MEF2C: variants seen among roughly 807,000 people sequenced by gnomAD.
MEF2C encodes the protein myocyte enhancer factor 2C, also known as myocyte-specific enhancer factor 2C.
In MEF2C, 6 loss-of-function variants were observed where a neutral mutation model predicts 50.5. That is an observed-to-expected ratio of 0.12 (90% CI 0.07 to 0.23). The LOEUF is 0.23. MEF2C is among the 10% of genes least tolerant of loss of function. MEF2C has a pLI of 1.00. For synonymous variants in MEF2C, 183 were observed against 228.0 expected (o/e 0.80, Z 1.78); for missense variants, 276 against 605.0 (o/e 0.46, Z 5.70).
chr5:88,776,585 A>G (rs1051897930), intron 3 of MEF2C, among the ~76,000 whole-genome samples: 4 of 152,188 alleles, frequency 2.6e-5, no homozygotes, highest in Non-Finnish European at 4.4e-5. Flanking sequence ...TAAGAATACC[A>G]AGAATGAGAG....
chr5:88,899,617 C>T (rs1377012120), intron 1 of MEF2C, among the ~76,000 whole-genome samples: 1 of 152,068 alleles, frequency 6.6e-6, no homozygotes, highest in Non-Finnish European at 1.5e-5. Context: ...GAGGAAGCCT[C>T]TATGATCCTT....
At chr5:88,826,064 G>C (rs543781930) in intron 1 of MEF2C, among the ~76,000 whole-genome samples, 5 of 152,036 alleles carry the variant, frequency 3.3e-5, no homozygotes, top group Admixed American at 3.3e-4. Context: ...GAAAGACAGA[G>C]AGAGTTCCTG....
rs74982864 is a variant in MEF2C, at chr5:88,788,165, AGTTT to A, written c.258+16429_258+16432del. 7.0e-3 allele frequency among the ~76,000 whole-genome samples: 1,002 copies of A among 142,986 alleles called. 8 individuals carry two copies. Among genetic ancestry groups the A allele is most frequent in the African/African-American group, 0.025 (943 of 38,488 alleles). The allele number at this position is 142,986 out of a possible 152,430, so 93.8% of individuals were successfully genotyped here. Reference sequence around the variant, plus strand: ...GGCTGTATCTATTAACCATCATGCCAGTTTGTTTGTTTGTTTATTTATTTATTTA... The same window carrying A: ...GGCTGTATCTATTAACCATCATGCCAGTTTGTTTGTTTATTTATTTATTTA... On this transcript the variant is annotated intron_variant, in intron 3 of 10. Coordinates refer to ENST00000504921, the MANE Select transcript of MEF2C (RefSeq NM_002397.5).
At chr5:88,734,124 G>C (rs1762843432) in intron 6 of MEF2C, 2 of 984,088 alleles carry the variant, frequency 2.0e-6, no homozygotes, top group Non-Finnish European at 2.4e-6. Context: ...ATGTCATCCT[G>C]AATCATTATT....
At chr5:88,834,225 A>G (rs1814157603) in intron 1 of MEF2C, among the ~76,000 whole-genome samples, 1 of 152,158 alleles carries the variant, frequency 6.6e-6, no homozygotes, top group African/African-American at 2.4e-5. Context: ...AACAGAATGC[A>G]GTCCACGCTA....
intron 1 of MEF2C, among the ~76,000 whole-genome samples, chr5:88,892,736 C>CA (rs1234113491): frequency 6.6e-6 from 1 of 152,180 alleles, no homozygotes; most frequent in Non-Finnish European, 1.5e-5. Flanking sequence ...ACTGAAAACT[C>CA]AGAGTCTATC....
intron 3 of MEF2C, among the ~76,000 whole-genome samples, chr5:88,804,354 C>T (rs1408535779): frequency 1.3e-5 from 2 of 152,202 alleles, no homozygotes; most frequent in Non-Finnish European, 2.9e-5. Flanking sequence ...AATAGTTTGA[C>T]ACTGGTACTT....
intron 1 of MEF2C, among the ~76,000 whole-genome samples, chr5:88,873,988 G>T (rs923946085): frequency 2.0e-5 from 3 of 151,592 alleles, no homozygotes; most frequent in Admixed American, 1.3e-4. Context: ...GTAATAGAAG[G>T]GTGAAAAGAT....
chr5:88,736,499 T>TAA (rs1764142732), intron 6 of MEF2C: 1 of 6,590 alleles, frequency 1.5e-4, no homozygotes, highest in African/African-American at 4.7e-4. Flanking sequence ...AGACTCCGTC[T>TAA]CAAAAAAAAA....
chr5:88,788,841 A>G (rs1242269849), intron 3 of MEF2C, among the ~76,000 whole-genome samples: 7 of 152,190 alleles, frequency 4.6e-5, no homozygotes, highest in Non-Finnish European at 4.4e-5. Flanking sequence ...TAAATATACC[A>G]TTTATTTACA....
chr5:88,836,737 A>C (rs528587733), intron 1 of MEF2C, among the ~76,000 whole-genome samples: 1 of 152,298 alleles, frequency 6.6e-6, no homozygotes, highest in South Asian at 2.1e-4. Flanking sequence ...AGGATAGCCC[A>C]AGTCATCCTC....
At position 88,723,016 on chromosome 5, in the gene MEF2C, G is replaced by A. The variant is rs532947919; in HGVS notation, c.1101-91C>T. The A allele has an allele frequency of 5.3e-6, 6 of 1,129,524 alleles. No individual in the cohort carries two copies. In the African/African-American group the frequency reaches 7.9e-5, roughly 15 times the overall value. The allele number at this position is 1,129,524 out of a possible 1,614,324, so 70.0% of individuals were successfully genotyped here. On this transcript the variant is annotated intron_variant, in intron 10 of 10. Coordinates refer to ENST00000504921, the MANE Select transcript of MEF2C (RefSeq NM_002397.5). ...AAATCAAACATCAGCTTAAAGACTC[G>A]CATAGACACCAGAGCATGCCCAGAG...
rs1351720198 is a variant in MEF2C, at chr5:88,719,409, T to C, written c.*3195A>G. 6.6e-6 allele frequency: 1 copy of C among 152,234 alleles called. No individual in the cohort carries two copies. Among genetic ancestry groups the C allele is most frequent in the Non-Finnish European group, 1.5e-5 (1 of 68,014 alleles). 9.4% of individuals were successfully genotyped at this position (152,234 alleles called of 1,614,324 possible). A position where few individuals can be genotyped will look rare whatever the true frequency, so the allele number is the denominator to read the frequency against. Reference sequence around the variant, plus strand: ...ATACAGGTTGTGCAGCTTGCGTATATTGCATCACTGTTACCAGTATTCAAG... The same window carrying C: ...ATACAGGTTGTGCAGCTTGCGTATACTGCATCACTGTTACCAGTATTCAAG... On this transcript the variant is annotated 3_prime_UTR_variant, in exon 11 of 11. Coordinates refer to ENST00000504921, the MANE Select transcript of MEF2C (RefSeq NM_002397.5).
At chr5:88,823,712 CAA>C (rs776944410) in intron 2 of MEF2C, 21 bp downstream of exon 2, 33 of 1,578,182 alleles carry the variant, frequency 2.1e-5, no homozygotes, top group African/African-American at 4.1e-5. Context: ...AATAATGATA[CAA>C]AAAAAGTTTA....
chr5:88,899,263 G>C (rs910092005), intron 1 of MEF2C, among the ~76,000 whole-genome samples: 1 of 152,108 alleles, frequency 6.6e-6, no homozygotes, highest in Non-Finnish European at 1.5e-5. Context: ...GCTAGATAGT[G>C]TGTCAGTTTT....
intron 10 of MEF2C, among the ~76,000 whole-genome samples, chr5:88,724,504 C>A (rs1757769398): frequency 6.6e-6 from 1 of 152,040 alleles, no homozygotes; most frequent in South Asian, 2.1e-4. Context: ...ATAAGCGTCT[C>A]TTTCTCTAGC....
chr5:88,737,751 C>T, intron 6 of MEF2C: 3 of 985,346 alleles, frequency 3.0e-6, no homozygotes, highest in Non-Finnish European at 3.6e-6. Context: ...AACAATGGAT[C>T]TTGAAGAGCA....
At chr5:88,866,877 GCT>G (rs1476031257) in intron 1 of MEF2C, among the ~76,000 whole-genome samples, 5 of 152,006 alleles carry the variant, frequency 3.3e-5, no homozygotes, top group African/African-American at 1.2e-4. Flanking sequence ...TCATTTATAG[GCT>G]CTGTTATACA....
At chr5:88,890,021 T>A (rs1306247540) in intron 1 of MEF2C, among the ~76,000 whole-genome samples, 1 of 152,162 alleles carries the variant, frequency 6.6e-6, no homozygotes, top group South Asian at 2.1e-4. Context: ...GCCGCCCCTG[T>A]CCCACTCTGG....
Sources: allele counts gnomAD v4.1 joint callset (sites outside exome capture counted in the v4.1 genomes callset), GRCh38; gene constraint gnomAD v4.1.1; transcripts MANE v1.5; gene names NCBI Gene and HGNC (gene_info 2026-07-23, HGNC 2026-07-21).